Variants in PHF5A observed in about 807,000 individuals in gnomAD.
PHF5A encodes the protein PHD finger-like domain-containing protein 5A.
For missense variants in PHF5A, 24 were observed against 140.6 expected (o/e 0.17, Z 4.19); for synonymous variants, 52 against 46.0 (o/e 1.13, Z -0.52).
chr22:41,467,306 T>C lies in PHF5A; in HGVS notation c.243+142A>G, dbSNP rs529944286. On this transcript the variant is annotated intron_variant, in intron 3 of 3. Transcript: ENST00000216252. ...TGCCTTTTATTGGACTACACCCAGT[T>C]TGACTCACAGAACTTGAAGAAATTA... The C allele has an allele frequency of 1.9e-4, 153 of 794,748 alleles. 1 individual carries two copies. The African/African-American group carries it at 2.4e-3, about 12-fold the overall frequency. The allele number at this position is 794,748 out of a possible 1,614,324, so 49.2% of individuals were successfully genotyped here. A position where few individuals can be genotyped will look rare whatever the true frequency, so the allele number is the denominator to read the frequency against.
intron 3 of PHF5A, among the ~76,000 whole-genome samples, chr22:41,463,150 G>A (rs371593566): frequency 1.3e-5 from 2 of 151,978 alleles, no homozygotes; most frequent in East Asian, 1.9e-4. Context: ...GGGATTACAG[G>A]CGTGAGCCAC....
intron 3 of PHF5A, among the ~76,000 whole-genome samples, chr22:41,465,737 G>A (rs534084347): frequency 2.0e-4 from 31 of 152,016 alleles, no homozygotes; most frequent in Admixed American, 3.9e-4. Context: ...AAAACTAGCT[G>A]GGCATAGTGG....
At chr22:41,462,134 A>G (rs1005094880) in intron 3 of PHF5A, among the ~76,000 whole-genome samples, 6 of 152,170 alleles carry the variant, frequency 3.9e-5, no homozygotes, top group African/African-American at 1.4e-4. Flanking sequence ...GATGAGCTTG[A>G]GTGCTTTCAG....
chr22:41,467,949 T>C, intron 2 of PHF5A, 175 bp downstream of exon 2: 1 of 665,664 alleles, frequency 1.5e-6, no homozygotes, highest in South Asian at 1.8e-5. Flanking sequence ...AGATACAGCG[T>C]TAAATGTGCA....
At chr22:41,467,879 G>A in intron 2 of PHF5A, 1 of 608,284 alleles carries the variant, frequency 1.6e-6, no homozygotes, top group South Asian at 2.0e-5. Flanking sequence ...TGCTGGCAAA[G>A]TGCTGTGTGT....
At chr22:41,468,060 T>C in intron 2 of PHF5A, 64 bp downstream of exon 2, 1 of 1,573,952 alleles carries the variant, frequency 6.4e-7, no homozygotes, top group Non-Finnish European at 8.7e-7. Flanking sequence ...GTGGCACTTT[T>C]GCTGGTTCCA....
Position 41,467,620 on chromosome 22 carries a change from AG to A in PHF5A, c.77-7del. 1 of 1,614,078 alleles carries A rather than the reference AG, an allele frequency of 6.2e-7. No individual in the cohort carries two copies. The highest frequency in any genetic ancestry group is 8.5e-7 in the Non-Finnish European group (1 of 1,179,968). On this transcript the variant is annotated splice_polypyrimidine_tract_variant and splice_region_variant and intron_variant, in intron 2 of 3. Coordinates refer to ENST00000216252, the MANE Select transcript of PHF5A (RefSeq NM_032758.4). Reference sequence around the variant, plus strand: ...AATCACACACTTGCCATCACCTGTAAGGAAGAGAATGGAGTCATGCTCACAA... The same window carrying A: ...AATCACACACTTGCCATCACCTGTAAGAAGAGAATGGAGTCATGCTCACAA...
intron 3 of PHF5A, 75 bp from the exon 4 acceptor site, chr22:41,460,562 CCAGTGTGGTAG>C: frequency 8.0e-7 from 1 of 1,253,560 alleles, no homozygotes; most frequent in Non-Finnish European, 1.1e-6. Context: ...AAATTTAAGC[CCAGTGTGGTAG>C]CATGTGCCTT....
At chr22:41,466,495 T>C (rs761039462) in intron 3 of PHF5A, among the ~76,000 whole-genome samples, 15 of 152,162 alleles carry the variant, frequency 9.9e-5, no homozygotes, top group Non-Finnish European at 1.5e-4. Flanking sequence ...TAGTGCTTAA[T>C]GATAGATTTA....
intron 1 of PHF5A, 109 bp from the exon 2 acceptor site, chr22:41,468,256 T>A: frequency 9.8e-7 from 1 of 1,023,558 alleles, no homozygotes; most frequent in Non-Finnish European, 1.5e-6. Flanking sequence ...CTGCAGTGAG[T>A]GAGACCTGCG....
At chr22:41,461,782 C>G (rs1414251005) in intron 3 of PHF5A, among the ~76,000 whole-genome samples, 1 of 152,126 alleles carries the variant, frequency 6.6e-6, no homozygotes. Flanking sequence ...CCTGCCTCAG[C>G]CTCCCGAGTA....
At chr22:41,464,611 C>G (rs1170792589) in intron 3 of PHF5A, among the ~76,000 whole-genome samples, 1 of 152,230 alleles carries the variant, frequency 6.6e-6, no homozygotes, top group Non-Finnish European at 1.5e-5. Flanking sequence ...AGTTCACACA[C>G]CACATTCAGA....
At chr22:41,460,947 T>C (rs1222727758) in intron 3 of PHF5A, among the ~76,000 whole-genome samples, 1 of 152,026 alleles carries the variant, frequency 6.6e-6, no homozygotes, top group Admixed American at 6.6e-5. Flanking sequence ...CCGAGGCAGG[T>C]GGATCACCTG....
At chr22:41,464,209 A>G (rs991822928) in intron 3 of PHF5A, among the ~76,000 whole-genome samples, 5 of 152,250 alleles carry the variant, frequency 3.3e-5, no homozygotes, top group Non-Finnish European at 5.9e-5. Context: ...GTCCTCTGGT[A>G]GCAATGTCCA....
At chr22:41,463,289 G>A (rs1417249238) in intron 3 of PHF5A, among the ~76,000 whole-genome samples, 1 of 151,922 alleles carries the variant, frequency 6.6e-6, no homozygotes, top group Non-Finnish European at 1.5e-5. Context: ...AAAAATAAAA[G>A]GTTAAGAAAC....
chr22:41,462,135 G>A (rs1188068202), intron 3 of PHF5A, among the ~76,000 whole-genome samples: 1 of 152,152 alleles, frequency 6.6e-6, no homozygotes, highest in Non-Finnish European at 1.5e-5. Flanking sequence ...ATGAGCTTGA[G>A]TGCTTTCAGT....
Position 41,460,339 on chromosome 22 carries a change from C to T in PHF5A, c.*59G>A. ...CTCCCTTTCTGCTGGTAGTAGTAGGCATGTTTTCTGGCAGCTGCAGCAGAC... is the reference window on the plus strand; with the variant it reads ...CTCCCTTTCTGCTGGTAGTAGTAGGTATGTTTTCTGGCAGCTGCAGCAGAC... On this transcript the variant is annotated 3_prime_UTR_variant, in exon 4 of 4. Coordinates refer to ENST00000216252, the MANE Select transcript of PHF5A (RefSeq NM_032758.4). The T allele has an allele frequency of 7.3e-7, 1 of 1,375,552 alleles. No individual in the cohort carries two copies. The highest frequency in any genetic ancestry group is 1.0e-6 in the Non-Finnish European group (1 of 979,242). 85.2% of individuals were successfully genotyped at this position (1,375,552 alleles called of 1,614,324 possible). A position where few individuals can be genotyped will look rare whatever the true frequency, so the allele number is the denominator to read the frequency against.
At chr22:41,468,101 T>C (rs745320431) in intron 2 of PHF5A, 23 bp downstream of exon 2, 2 of 1,613,498 alleles carry the variant, frequency 1.2e-6, no homozygotes, top group African/African-American at 2.7e-5. Flanking sequence ...GGGTGGGTTG[T>C]TGGGACGGTG....
chr22:41,460,680 TACTGTACCCC>T (rs1457718339), intron 3 of PHF5A, among the ~76,000 whole-genome samples, 193 bp from the exon 4 acceptor site: 1 of 151,162 alleles, frequency 6.6e-6, no homozygotes, highest in Non-Finnish European at 1.5e-5. Context: ...AATAGCCAGC[TACTGTACCCC>T]ACTGTAGGCA....
Sources: allele counts gnomAD v4.1 joint callset (sites outside exome capture counted in the v4.1 genomes callset), GRCh38; gene constraint gnomAD v4.1.1; transcripts MANE v1.5; gene names NCBI Gene and HGNC (gene_info 2026-07-23, HGNC 2026-07-21).